Variants in FNDC3B observed in about 807,000 individuals in gnomAD.
FNDC3B encodes the protein fibronectin type III domain-containing protein 3B.
In FNDC3B, 12 loss-of-function variants were observed where a neutral mutation model predicts 151.5. The ratio of observed to expected loss-of-function variants is 0.08; its 90% CI spans 0.05 to 0.13. The LOEUF (loss-of-function observed/expected upper bound fraction) is 0.13, where lower values mean the gene tolerates loss of function less well. FNDC3B is among the 10% of genes least tolerant of loss of function. The pLI is 1.00. For synonymous variants in FNDC3B, 528 were observed against 549.0 expected, an observed-to-expected ratio of 0.96 and a Z score of 0.54; for missense variants, 1,214 against 1,505.3, an observed-to-expected ratio of 0.81 and a Z score of 3.20.
In FNDC3B at chr3:172,094,330, C is replaced by T. The variant is rs539713220; in HGVS notation, c.-28-18122C>T. 2.6e-5 allele frequency among the ~76,000 whole-genome samples: 4 copies of T among 152,326 alleles called. No homozygotes were observed. The South Asian group carries it at 8.3e-4, about 32-fold the overall frequency. ...GTTGCTTCCCACCGTCAACCCCAGC[C>T]CCAAGCAACCACCAGTCTACTTTCT... On this transcript the variant is annotated intron_variant, in intron 1 of 25. Transcript: ENST00000415807.
intron 23 of FNDC3B, among the ~76,000 whole-genome samples, chr3:172,367,261 T>TC (rs1287009343): frequency 1.8e-5 from 2 of 112,026 alleles, no homozygotes; most frequent in East Asian, 5.4e-4. Context: ...AAGATTATGA[T>TC]CATTCAATCA....
intron 12 of FNDC3B, 142 bp downstream of exon 12, chr3:172,329,218 G>C (rs1732512646): frequency 1.0e-6 from 1 of 964,068 alleles, no homozygotes; most frequent in Non-Finnish European, 1.6e-6. Context: ...ATCCTAATCA[G>C]AGGAGAGAAG....
chr3:172,191,086 A>G (rs1724486952), intron 3 of FNDC3B, among the ~76,000 whole-genome samples: 1 of 152,230 alleles, frequency 6.6e-6, no homozygotes, highest in Non-Finnish European at 1.5e-5. Context: ...GAGACTGTAG[A>G]ATATAACCAA....
chr3:172,128,180 C>T (rs527899935), intron 2 of FNDC3B, among the ~76,000 whole-genome samples: 2 of 152,212 alleles, frequency 1.3e-5, no homozygotes, highest in African/African-American at 4.8e-5. Context: ...CCCTTGGAGG[C>T]TTCCTGTTAT....
chr3:172,128,673 G>A (rs1576890694), intron 2 of FNDC3B, among the ~76,000 whole-genome samples: 1 of 152,170 alleles, frequency 6.6e-6, no homozygotes, highest in African/African-American at 2.4e-5. Flanking sequence ...AAGTTATTAG[G>A]TATTCCTGGC....
chr3:172,392,302 A>G (rs1169215704), intron 25 of FNDC3B, among the ~76,000 whole-genome samples: 2 of 152,246 alleles, frequency 1.3e-5, no homozygotes, highest in African/African-American at 4.8e-5. Flanking sequence ...ATAACTCACC[A>G]GGAGGAATGT....
intron 2 of FNDC3B, among the ~76,000 whole-genome samples, chr3:172,120,792 C>T (rs545950090): frequency 3.9e-5 from 6 of 152,116 alleles, no homozygotes; most frequent in South Asian, 2.1e-4. Flanking sequence ...CTGACCAACA[C>T]GGTGAAACCC....
rs1736252460 is a variant in FNDC3B, at chr3:172,395,907, G to C, written c.3304-1257G>C. ...CCTCTAGGATAGCTAAAATAGAAAA[G>C]ACTGACGATCAATGTTGAAGAGGAT... On this transcript the variant is annotated intron_variant, in intron 25 of 25. Transcript: ENST00000415807. 3.3e-5 allele frequency among the ~76,000 whole-genome samples: 5 copies of C among 152,260 alleles called. No individual in the cohort carries two copies. The South Asian group carries it at 1.0e-3, about 32-fold the overall frequency.
intron 3 of FNDC3B, among the ~76,000 whole-genome samples, chr3:172,145,910 T>G (rs1396509729): frequency 6.8e-6 from 1 of 147,948 alleles, no homozygotes; most frequent in Non-Finnish European, 1.5e-5. Context: ...GCCACCCGGG[T>G]TTAAGCGATT....
intron 7 of FNDC3B, among the ~76,000 whole-genome samples, chr3:172,291,294 G>A (rs893524439): frequency 6.6e-6 from 1 of 152,198 alleles, no homozygotes; most frequent in Admixed American, 6.5e-5. Flanking sequence ...ATCAGTATGT[G>A]ACCATTTACA....
intron 1 of FNDC3B, among the ~76,000 whole-genome samples, chr3:172,097,390 A>G (rs543033362): frequency 1.2e-4 from 19 of 152,344 alleles, no homozygotes; most frequent in Admixed American, 1.2e-3. Context: ...AATGGTGACG[A>G]TTAGTTCTGT....
At chr3:172,048,066 T>A (rs78858491) in intron 1 of FNDC3B, among the ~76,000 whole-genome samples, 1 of 152,308 alleles carries the variant, frequency 6.6e-6, no homozygotes, top group East Asian at 1.9e-4. Flanking sequence ...TTCCAGGTAC[T>A]GTATGAACTT....
Position 172,397,665 on chromosome 3 carries a change from ATTT to A in FNDC3B, c.*199_*201del, listed in dbSNP as rs879363297. On this transcript the variant is annotated 3_prime_UTR_variant, in exon 26 of 26. Coordinates refer to ENST00000415807, the MANE Select transcript of FNDC3B (RefSeq NM_022763.4). ...CAAAACTAGGAAAAGGTTAAACTGG[ATTT>A]TTTTTTTTAAAAAAAAGAAAAAAAA... The A allele has an allele frequency of 1.4e-4, 38 of 279,832 alleles. No homozygotes were observed. The highest frequency in any genetic ancestry group is 7.0e-4 in the East Asian group (13 of 18,638). The allele number at this position is 279,832 out of a possible 1,614,324, so 17.3% of individuals were successfully genotyped here.
intron 22 of FNDC3B, 60 bp downstream of exon 22, chr3:172,353,143 C>T: frequency 7.3e-6 from 11 of 1,510,194 alleles, no homozygotes; most frequent in Non-Finnish European, 9.9e-6. Context: ...TCTAAGTAAA[C>T]CTCTCGGGGA....
At chr3:172,319,624 C>T (rs1731980507) in intron 11 of FNDC3B, among the ~76,000 whole-genome samples, 1 of 152,130 alleles carries the variant, frequency 6.6e-6, no homozygotes, top group Non-Finnish European at 1.5e-5. Context: ...AAGAGGCGTC[C>T]CTGGGGGAAG....
At position 172,316,418 on chromosome 3, in the gene FNDC3B, GA is replaced by G. The variant is rs201890372; in HGVS notation, c.1254+5547del. ...CTCTAGGTTAGGGAAGGGCTTTTAGGAAAAAAAAAACTAGGAACCTCTGGGT... is the reference window on the plus strand; with the variant it reads ...CTCTAGGTTAGGGAAGGGCTTTTAGGAAAAAAAAACTAGGAACCTCTGGGT... On this transcript the variant is annotated intron_variant, in intron 11 of 25. Transcript: ENST00000415807. 7.5e-3 allele frequency: 3,089 copies of G among 414,322 alleles called. 72 individuals are homozygous for G. Among genetic ancestry groups the G allele is most frequent in the African/African-American group, 0.056 (2,714 of 48,122 alleles). The allele number at this position is 414,322 out of a possible 1,614,324, so 25.7% of individuals were successfully genotyped here.
chr3:172,196,486 T>C (rs1280313126), intron 3 of FNDC3B, among the ~76,000 whole-genome samples: 1 of 152,168 alleles, frequency 6.6e-6, no homozygotes, highest in African/African-American at 2.4e-5. Context: ...TAATATTTTA[T>C]AATTTATTTC....
chr3:172,167,712 A>G (rs1253029236), intron 3 of FNDC3B, among the ~76,000 whole-genome samples: 2 of 152,188 alleles, frequency 1.3e-5, no homozygotes, highest in Non-Finnish European at 2.9e-5. Flanking sequence ...GTGGCAGGCA[A>G]ACGAGCATTA....
chr3:172,159,978 G>A (rs1003035207), intron 3 of FNDC3B, among the ~76,000 whole-genome samples: 1 of 152,092 alleles, frequency 6.6e-6, no homozygotes, highest in Admixed American at 6.6e-5. Flanking sequence ...TTTATAAATG[G>A]GCTGGCACAT....
Sources: allele counts gnomAD v4.1 joint callset (sites outside exome capture counted in the v4.1 genomes callset), GRCh38; gene constraint gnomAD v4.1.1; transcripts MANE v1.5; gene names NCBI Gene and HGNC (gene_info 2026-07-23, HGNC 2026-07-21).